Variants in LRP1B observed in about 807,000 individuals in gnomAD.
LRP1B encodes the protein low-density lipoprotein receptor-related protein 1B.
In LRP1B, 217 loss-of-function variants were observed where a neutral mutation model predicts 556.6. That is an observed-to-expected ratio of 0.39 (90% CI 0.35 to 0.44). The LOEUF is 0.44. Among genes scored for constraint, LRP1B ranks in the 20% least tolerant of loss-of-function variants. LRP1B has a pLI of 1.00. For missense variants in LRP1B, 5,053 were observed against 5,620.8 expected (o/e 0.90, Z 3.23); for synonymous variants, 2,047 against 1,865.8 (o/e 1.10, Z -2.50).
At chr2:141,995,769 G>A (rs1047721748) in intron 1 of LRP1B, among the ~76,000 whole-genome samples, 3 of 152,050 alleles carry the variant, frequency 2.0e-5, no homozygotes, top group South Asian at 2.1e-4. Flanking sequence ...TTCAAGAAAC[G>A]TAAATATAAA....
chr2:142,064,137 A>T (rs1705016185), intron 1 of LRP1B, among the ~76,000 whole-genome samples: 1 of 151,570 alleles, frequency 6.6e-6, no homozygotes, highest in Non-Finnish European at 1.5e-5. Context: ...GATTCATTGG[A>T]ATTTTATTCT....
At chr2:141,526,571 C>T (rs1231289928) in intron 2 of LRP1B, among the ~76,000 whole-genome samples, 1 of 152,072 alleles carries the variant, frequency 6.6e-6, no homozygotes, top group Admixed American at 6.6e-5. Flanking sequence ...AAGTTTGTCA[C>T]ACAAAAGCAA....
chr2:141,590,248 T>C (rs1040706301), intron 2 of LRP1B, among the ~76,000 whole-genome samples: 16 of 152,178 alleles, frequency 1.1e-4, no homozygotes, highest in African/African-American at 3.9e-4. Flanking sequence ...AAAAAGAGAC[T>C]TAGATAACAT....
intron 41 of LRP1B, among the ~76,000 whole-genome samples, chr2:140,651,533 A>C (rs1559032533): frequency 6.6e-6 from 1 of 151,500 alleles, no homozygotes; most frequent in Non-Finnish European, 1.5e-5. Context: ...AATTAAAAAA[A>C]AAAAAAAAAA....
At chr2:142,031,164 G>C (rs1444943636) in intron 1 of LRP1B, among the ~76,000 whole-genome samples, 1 of 151,522 alleles carries the variant, frequency 6.6e-6, no homozygotes, top group Non-Finnish European at 1.5e-5. Flanking sequence ...TATATAATAT[G>C]ATATAGCTTT....
chr2:141,065,323 A>C (rs1699450374), intron 7 of LRP1B, among the ~76,000 whole-genome samples: 1 of 151,952 alleles, frequency 6.6e-6, no homozygotes, highest in African/African-American at 2.4e-5. Flanking sequence ...GCATAACCAC[A>C]GTATATCTCT....
At chr2:142,051,127 A>G (rs1704439436) in intron 1 of LRP1B, among the ~76,000 whole-genome samples, 1 of 152,108 alleles carries the variant, frequency 6.6e-6, no homozygotes, top group Non-Finnish European at 1.5e-5. Flanking sequence ...TATGGCCAGT[A>G]AAGTAGAGGA....
At chr2:141,665,589 A>G (rs1350617324) in intron 2 of LRP1B, among the ~76,000 whole-genome samples, 1 of 152,224 alleles carries the variant, frequency 6.6e-6, no homozygotes, top group East Asian at 1.9e-4. Context: ...ATATGCCCAA[A>G]GGAATATAAA....
chr2:141,035,996 C>A (rs1240704242), intron 11 of LRP1B, among the ~76,000 whole-genome samples: 1 of 152,036 alleles, frequency 6.6e-6, no homozygotes, highest in Non-Finnish European at 1.5e-5. Context: ...TATAAACATT[C>A]AGAGCTCGGC....
At chr2:140,997,466 T>A (rs1277883896) in intron 15 of LRP1B, among the ~76,000 whole-genome samples, 1 of 151,916 alleles carries the variant, frequency 6.6e-6, no homozygotes, top group Non-Finnish European at 1.5e-5. Context: ...GACCTCAGTT[T>A]AATAACCTGT....
chr2:141,026,957 A>G (rs1239321555), intron 11 of LRP1B, among the ~76,000 whole-genome samples: 2 of 152,140 alleles, frequency 1.3e-5, no homozygotes, highest in Non-Finnish European at 2.9e-5. Context: ...AGTAGTCACT[A>G]TAGCAAGTCT....
At chr2:141,750,898 G>T (rs1054505734) in intron 2 of LRP1B, among the ~76,000 whole-genome samples, 1 of 151,922 alleles carries the variant, frequency 6.6e-6, no homozygotes, top group East Asian at 1.9e-4. Flanking sequence ...AGAGTAGGCA[G>T]CATTTTCAAA....
chr2:141,600,041 C>T (rs1387589419), intron 2 of LRP1B, among the ~76,000 whole-genome samples: 1 of 152,276 alleles, frequency 6.6e-6, no homozygotes, highest in East Asian at 1.9e-4. Context: ...TCTCCCTTTT[C>T]TATCATCTCT....
chr2:142,113,603 T>G (rs1241937423), intron 1 of LRP1B, among the ~76,000 whole-genome samples: 1 of 152,048 alleles, frequency 6.6e-6, no homozygotes, highest in South Asian at 2.1e-4. Flanking sequence ...GTTGTGTTCA[T>G]GGTGAAGCAG....
Position 142,115,652 on chromosome 2 carries a change from TTATATGTAATATATATATGTAATA to T in LRP1B, c.82+14972_82+14995del, listed in dbSNP as rs1707207918. 3.2e-4 allele frequency among the ~76,000 whole-genome samples: 2 copies of T among 6,266 alleles called. 1 individual carries two copies. Among genetic ancestry groups the T allele is most frequent in the African/African-American group, 7.0e-4 (2 of 2,846 alleles). The allele number at this position is 6,266 out of a possible 152,430, so 4.1% of individuals were successfully genotyped here. ...ATATATTATATATGTAATATATATA[TTATATGTAATATATATATGTAATA>T]TATATATAATATATATGTAATATAT... On this transcript the variant is annotated intron_variant, in intron 1 of 90. Coordinates refer to ENST00000389484, the MANE Select transcript of LRP1B (RefSeq NM_018557.3).
At chr2:141,042,817 G>T (rs1698741134) in intron 11 of LRP1B, among the ~76,000 whole-genome samples, 1 of 151,798 alleles carries the variant, frequency 6.6e-6, no homozygotes, top group Admixed American at 6.6e-5. Context: ...AAATTAAAAG[G>T]ATACATCTAG....
intron 1 of LRP1B, among the ~76,000 whole-genome samples, chr2:141,961,925 G>C (rs974768766): frequency 6.6e-6 from 1 of 151,642 alleles, no homozygotes; most frequent in African/African-American, 2.4e-5. Flanking sequence ...TTGTGTTTAC[G>C]AATGGAAAAA....
At position 141,664,707 on chromosome 2, in the gene LRP1B, G is replaced by GA. The variant is rs35666073; in HGVS notation, c.205+145571dup. Among the ~76,000 whole-genome samples, 15 of 151,732 alleles carry GA rather than the reference G, an allele frequency of 9.9e-5. No individual in the cohort carries two copies. In the East Asian group the frequency reaches 1.4e-3, roughly 14 times the overall value. ...ACCAGTGCTCAAGGAAATCAGATAG[G>GA]AAAAAAAACATGGAAAAACACTCCA... On this transcript the variant is annotated intron_variant, in intron 2 of 90. Transcript: ENST00000389484.
chr2:140,794,260 A>C (rs942054574), intron 32 of LRP1B, among the ~76,000 whole-genome samples: 1 of 152,138 alleles, frequency 6.6e-6, no homozygotes, highest in Non-Finnish European at 1.5e-5. Context: ...AGAAAAGGAA[A>C]ATAATTTAAA....
Sources: gnomAD v4.1 joint callset for allele counts (sites outside exome capture counted in the v4.1 genomes callset) on GRCh38, gnomAD v4.1.1 for gene constraint, MANE v1.5 for transcripts, NCBI Gene and HGNC (gene_info 2026-07-23, HGNC 2026-07-21) for gene names.